Variants in SYT2 observed in about 807,000 individuals in gnomAD.
The protein encoded by SYT2 is synaptotagmin 2, also known as synaptotagmin-2.
In SYT2, 15 loss-of-function variants were observed where a neutral mutation model predicts 39.9. The observed-to-expected ratio is 0.38, with a 90% CI of 0.25 to 0.58. SYT2 has a LOEUF of 0.58. Among genes scored for constraint, SYT2 ranks in the 20% least tolerant of loss-of-function variants. SYT2 has a pLI of 0.70. For missense variants in SYT2, 389 were observed against 530.3 expected (o/e 0.73, Z 2.62); for synonymous variants, 181 against 204.5 (o/e 0.89, Z 0.98).
chr1:202,708,162 T>C (rs1342297656), intron 1 of SYT2, among the ~76,000 whole-genome samples: 2 of 152,138 alleles, frequency 1.3e-5, no homozygotes, highest in Non-Finnish European at 2.9e-5. Flanking sequence ...CACTTTTTGC[T>C]TCCCCTGGTC....
At chr1:202,666,503 C>A (rs1692484130) in intron 1 of SYT2, among the ~76,000 whole-genome samples, 1 of 151,978 alleles carries the variant, frequency 6.6e-6, no homozygotes, top group South Asian at 2.1e-4. Context: ...ACTGGGGATG[C>A]TGGGGTAGGG....
At chr1:202,660,697 G>C (rs1692359780) in intron 1 of SYT2, among the ~76,000 whole-genome samples, 1 of 152,204 alleles carries the variant, frequency 6.6e-6, no homozygotes, top group East Asian at 1.9e-4. Context: ...TGCCCAGGCT[G>C]GTCTTGAACT....
At chr1:202,707,343 T>C (rs1654278425) in intron 1 of SYT2, among the ~76,000 whole-genome samples, 1 of 152,158 alleles carries the variant, frequency 6.6e-6, no homozygotes, top group Non-Finnish European at 1.5e-5. Context: ...TAGCCTCCAT[T>C]CTTTGGTGCT....
intron 1 of SYT2, among the ~76,000 whole-genome samples, chr1:202,648,065 T>C (rs566153726): frequency 6.6e-6 from 1 of 152,306 alleles, no homozygotes; most frequent in Admixed American, 6.5e-5. Context: ...ATCCATAAAA[T>C]GGAACAGAAA....
chr1:202,631,269 C>T (rs1246142127), intron 1 of SYT2, among the ~76,000 whole-genome samples: 1 of 152,106 alleles, frequency 6.6e-6, no homozygotes, highest in Non-Finnish European at 1.5e-5. Context: ...ACAGATGACC[C>T]CTGCTTGGAG....
chr1:202,706,455 G>C (rs1364964714), intron 1 of SYT2, among the ~76,000 whole-genome samples: 1 of 152,102 alleles, frequency 6.6e-6, no homozygotes, highest in Non-Finnish European at 1.5e-5. Context: ...TGTTCTACAC[G>C]CTTTACAGGA....
rs1425030899 is a variant in SYT2 at position 202,602,990 on chromosome 1, C to T, written c.465+9G>A. ...TTCCCCCACTCTGCCCCCCCACAGC[C>T]CTGCATACCTGATTAGCCTGAAAAT... On this transcript the variant is annotated intron_variant, in intron 4 of 8. Transcript: ENST00000367268. The T allele has an allele frequency of 9.3e-6, 15 of 1,609,452 alleles. No individual in the cohort carries two copies. Among genetic ancestry groups the T allele is most frequent in the Non-Finnish European group, 1.3e-5 (15 of 1,177,836 alleles).
intron 1 of SYT2, among the ~76,000 whole-genome samples, chr1:202,687,501 G>A (rs1469720113): frequency 6.6e-6 from 1 of 152,054 alleles, no homozygotes; most frequent in African/African-American, 2.4e-5. Context: ...TCGACCTTCA[G>A]CTGAGCGTGA....
intron 1 of SYT2, among the ~76,000 whole-genome samples, chr1:202,609,033 C>A (rs1404782336): frequency 8.4e-6 from 1 of 118,498 alleles, no homozygotes; most frequent in Non-Finnish European, 1.7e-5. Flanking sequence ...CACCCTCCCC[C>A]CACCCCACAA....
chr1:202,634,441 C>T (rs1239629548), intron 1 of SYT2, among the ~76,000 whole-genome samples: 3 of 151,758 alleles, frequency 2.0e-5, no homozygotes, highest in East Asian at 1.9e-4. Flanking sequence ...TGCTTGAACC[C>T]GAGATTGTGC....
chr1:202,617,884 C>T (rs578816), intron 1 of SYT2, among the ~76,000 whole-genome samples: 96,405 of 151,990 alleles, frequency 0.63, 31,599 homozygotes, highest in Non-Finnish European at 0.73. Flanking sequence ...TTTGTTGGGA[C>T]GCTCACTTGT....
chr1:202,600,621 G>C, intron 6 of SYT2, 147 bp from the exon 7 acceptor site: 1 of 682,846 alleles, frequency 1.5e-6, no homozygotes, highest in Non-Finnish European at 2.5e-6. Flanking sequence ...TGGCCGAGAA[G>C]GTCTTCCAGC....
chr1:202,686,720 T>TGCTA (rs1327209743), intron 1 of SYT2, among the ~76,000 whole-genome samples: 1 of 152,180 alleles, frequency 6.6e-6, no homozygotes, highest in Non-Finnish European at 1.5e-5. Flanking sequence ...AGGCCCCTGA[T>TGCTA]GCTAGCTCTC....
chr1:202,619,211 G>A (rs35302449), intron 1 of SYT2, among the ~76,000 whole-genome samples: 4,718 of 152,300 alleles, frequency 0.031, 124 homozygotes, highest in Non-Finnish European at 0.051. Flanking sequence ...CTGCAGTCCC[G>A]GGGAGAGCAG....
chr1:202,704,614 C>G (rs1654202508), intron 1 of SYT2, among the ~76,000 whole-genome samples: 1 of 152,166 alleles, frequency 6.6e-6, no homozygotes, highest in Admixed American at 6.5e-5. Flanking sequence ...CCCATTCTCC[C>G]TGCCTTTGCA....
At chr1:202,641,413 C>T (rs1190320114) in intron 1 of SYT2, among the ~76,000 whole-genome samples, 4 of 152,182 alleles carry the variant, frequency 2.6e-5, no homozygotes, top group Non-Finnish European at 4.4e-5. Flanking sequence ...TCTACCTTCT[C>T]AATGTACAGG....
intron 7 of SYT2, 44 bp downstream of exon 7, chr1:202,600,313 G>T: frequency 6.5e-7 from 1 of 1,535,058 alleles, no homozygotes. Flanking sequence ...GTGCTGACTG[G>T]CTCGCTGGTG....
intron 1 of SYT2, among the ~76,000 whole-genome samples, chr1:202,638,698 G>C (rs926381180): frequency 1.3e-5 from 2 of 151,326 alleles, no homozygotes; most frequent in Non-Finnish European, 3.0e-5. Flanking sequence ...GCTCACACCC[G>C]AGGCCCTACA....
chr1:202,661,697 C>T (rs895597251), intron 1 of SYT2, among the ~76,000 whole-genome samples: 5 of 152,188 alleles, frequency 3.3e-5, no homozygotes, highest in Non-Finnish European at 7.3e-5. Context: ...AGAGAACACT[C>T]TGCAGGCGCT....
Sources: allele counts gnomAD v4.1 joint callset (sites outside exome capture counted in the v4.1 genomes callset), GRCh38; gene constraint gnomAD v4.1.1; transcripts MANE v1.5; gene names NCBI Gene and HGNC (gene_info 2026-07-23, HGNC 2026-07-21).